Variants in ROBO1 observed in about 807,000 individuals in gnomAD.
The protein encoded by ROBO1 is roundabout homolog 1.
ROBO1 carries 149 observed loss-of-function variants against 195.9 expected under a neutral mutation model. The observed-to-expected ratio is 0.76, with a 90% CI of 0.67 to 0.87. ROBO1 has a LOEUF of 0.87. ROBO1 is among the 40% of genes least tolerant of loss of function. ROBO1 has a pLI of 0.00. For missense variants in ROBO1, 1,933 were observed against 2,068.3 expected, an observed-to-expected ratio of 0.93 and a Z score of 1.27; for synonymous variants, 816 against 733.2, an observed-to-expected ratio of 1.11 and a Z score of -1.82.
At chr3:79,194,476 A>G (rs2081596051) in intron 2 of ROBO1, among the ~76,000 whole-genome samples, 1 of 151,592 alleles carries the variant, frequency 6.6e-6, no homozygotes. Flanking sequence ...CATAATTCCC[A>G]CTACCTACAC....
At chr3:79,759,060 C>T (rs975588747) in intron 1 of ROBO1, among the ~76,000 whole-genome samples, 25 of 151,930 alleles carry the variant, frequency 1.6e-4, no homozygotes, top group African/African-American at 5.8e-4. Flanking sequence ...TTTTAACACT[C>T]TCTTAAATTA....
chr3:78,698,493 A>C (rs1268911086), intron 8 of ROBO1, among the ~76,000 whole-genome samples: 1 of 152,066 alleles, frequency 6.6e-6, no homozygotes, highest in African/African-American at 2.4e-5. Context: ...TGAACTTTTC[A>C]CCTCCTCTTA....
chr3:79,136,210 T>C (rs1046081072), intron 2 of ROBO1, among the ~76,000 whole-genome samples: 8 of 152,182 alleles, frequency 5.3e-5, no homozygotes, highest in Non-Finnish European at 8.8e-5. Flanking sequence ...GAAAAGCCTG[T>C]TGGTTTAAAT....
In ROBO1 at chr3:79,275,590, T is replaced by C. The variant is rs572085906; in HGVS notation, c.89-150051A>G. 9.2e-5 allele frequency among the ~76,000 whole-genome samples: 14 copies of C among 152,024 alleles called. No homozygotes were observed. The South Asian group carries it at 2.7e-3, about 29-fold the overall frequency. Reference sequence around the variant, plus strand: ...TGGAACATGACAAGGATGCCCACTTTCACCACTTTTACTCAGCATAATACT... The same window carrying C: ...TGGAACATGACAAGGATGCCCACTTCCACCACTTTTACTCAGCATAATACT... On this transcript the variant is annotated intron_variant, in intron 2 of 30. Transcript: ENST00000464233.
chr3:79,078,543 T>C (rs1344140843), intron 3 of ROBO1, among the ~76,000 whole-genome samples: 5 of 151,812 alleles, frequency 3.3e-5, no homozygotes, highest in East Asian at 1.9e-4. Flanking sequence ...CAGAGGGTGA[T>C]GGGATGTCCC....
At chr3:79,122,320 A>G (rs1181655549) in intron 3 of ROBO1, among the ~76,000 whole-genome samples, 1 of 152,086 alleles carries the variant, frequency 6.6e-6, no homozygotes, top group Non-Finnish European at 1.5e-5. Flanking sequence ...AACATACCAC[A>G]GTGCTACCTT....
chr3:79,636,952 A>C (rs1945513440), intron 1 of ROBO1, among the ~76,000 whole-genome samples: 1 of 152,178 alleles, frequency 6.6e-6, no homozygotes, highest in Non-Finnish European at 1.5e-5. Flanking sequence ...CTTATGAAAA[A>C]TTTTGAAAGC....
Position 79,014,622 on chromosome 3 carries a change from C to T in ROBO1, c.173-75695G>A, listed in dbSNP as rs2077876106. The stretch of plus-strand genomic sequence containing the variant: ...TAATTCTGCAGCTCAGTTTCTACTA[C>T]ACTTCTCCAGACTTCTGCTTTTTAT... On this transcript the variant is annotated intron_variant, in intron 3 of 30. Transcript: ENST00000464233. Among the ~76,000 whole-genome samples the T allele has an allele frequency of 2.6e-5, 4 of 152,182 alleles. No homozygotes were observed. The South Asian group carries it at 8.3e-4, about 32-fold the overall frequency.
At chr3:79,366,539 GGCAAGAGAGCAATGTTTTA>G (rs2035983270) in intron 2 of ROBO1, among the ~76,000 whole-genome samples, 1 of 151,984 alleles carries the variant, frequency 6.6e-6, no homozygotes, top group Admixed American at 6.6e-5. Flanking sequence ...GTGCTCTCTT[GGCAAGAGAGCAATGTTTTA>G]TATGCCCTCC....
At chr3:79,315,081 T>C (rs994140704) in intron 2 of ROBO1, among the ~76,000 whole-genome samples, 2 of 152,168 alleles carry the variant, frequency 1.3e-5, no homozygotes, top group Non-Finnish European at 2.9e-5. Flanking sequence ...ACTTCTAATC[T>C]GGGAATGATG....
intron 1 of ROBO1, among the ~76,000 whole-genome samples, chr3:79,637,270 C>T (rs1945522217): frequency 6.6e-6 from 1 of 151,516 alleles, no homozygotes; most frequent in Non-Finnish European, 1.5e-5. Context: ...TAAAAGATCA[C>T]AGGGAGAGTC....
intron 2 of ROBO1, among the ~76,000 whole-genome samples, chr3:79,371,059 G>T (rs1441115575): frequency 6.6e-6 from 1 of 152,048 alleles, no homozygotes; most frequent in Admixed American, 6.6e-5. Context: ...GGTGTATATT[G>T]CCACATTTTC....
Position 78,921,766 on chromosome 3 carries a change from A to AAT in ROBO1, c.499+16834_499+16835insAT, listed in dbSNP as rs2038948495. Among the ~76,000 whole-genome samples, 4 of 152,266 alleles carry AAT rather than the reference A, an allele frequency of 2.6e-5. No individual in the cohort carries two copies. The South Asian group carries it at 8.3e-4, about 32-fold the overall frequency. ...GTACAAGGAAAACACAACACATATAAAAGAACAGGAAACAGCTCTAACAAT... is the reference window on the plus strand; with the variant it reads ...GTACAAGGAAAACACAACACATATAAATAAGAACAGGAAACAGCTCTAACAAT... On this transcript the variant is annotated intron_variant, in intron 4 of 30. Coordinates refer to ENST00000464233, the MANE Select transcript of ROBO1 (RefSeq NM_002941.4).
At chr3:79,112,278 C>T (rs1190727857) in intron 3 of ROBO1, among the ~76,000 whole-genome samples, 1 of 152,068 alleles carries the variant, frequency 6.6e-6, no homozygotes, top group African/African-American at 2.4e-5. Context: ...CCTGAAGGGT[C>T]CAGAGTCATT....
intron 8 of ROBO1, among the ~76,000 whole-genome samples, chr3:78,713,951 T>C (rs1485392255): frequency 6.6e-6 from 1 of 152,218 alleles, no homozygotes; most frequent in Non-Finnish European, 1.5e-5. Context: ...TAATAGAATC[T>C]TCTTTTTCTG....
intron 2 of ROBO1, among the ~76,000 whole-genome samples, chr3:79,253,597 T>C (rs763362481): frequency 5.3e-5 from 8 of 152,188 alleles, no homozygotes; most frequent in African/African-American, 9.6e-5. Context: ...AATTCTTCCA[T>C]GCCAATTAGA....
chr3:79,391,251 C>A (rs6809320), intron 2 of ROBO1, among the ~76,000 whole-genome samples: 55,692 of 151,822 alleles, frequency 0.37, 10,855 homozygotes, highest in Admixed American at 0.49. Context: ...TATGATCATA[C>A]CACTACACTC....
chr3:78,761,334 C>T (rs1215264686), intron 4 of ROBO1, among the ~76,000 whole-genome samples: 2 of 152,024 alleles, frequency 1.3e-5, no homozygotes, highest in African/African-American at 2.4e-5. Flanking sequence ...TCTCCTTTAA[C>T]AGGCCCCACT....
At chr3:79,763,451 G>A (rs1198111736) in intron 1 of ROBO1, among the ~76,000 whole-genome samples, 1 of 152,022 alleles carries the variant, frequency 6.6e-6, no homozygotes, top group Non-Finnish European at 1.5e-5. Context: ...CAATAGGGTT[G>A]GAATAATAAG....
Sources: allele counts gnomAD v4.1 joint callset (sites outside exome capture counted in the v4.1 genomes callset), GRCh38; gene constraint gnomAD v4.1.1; transcripts MANE v1.5; gene names NCBI Gene and HGNC (gene_info 2026-07-23, HGNC 2026-07-21).